CLEC16A: variants seen among roughly 807,000 people sequenced by gnomAD.
CLEC16A encodes the protein C-type lectin domain containing 16A, also known as protein CLEC16A.
Under a neutral mutation model 109.5 loss-of-function variants are expected in CLEC16A, and 51 were observed. That is an observed-to-expected ratio of 0.47 (90% confidence interval 0.37 to 0.59). The LOEUF is 0.59. Among genes scored for constraint, CLEC16A ranks in the 20% least tolerant of loss-of-function variants. The pLI is 0.00. For missense variants in CLEC16A, 1,339 were observed against 1,394.0 expected (o/e 0.96, Z 0.63); for synonymous variants, 673 against 564.2 (o/e 1.19, Z -2.73).
chr16:11,026,933 A>G, intron 13 of CLEC16A: 1 of 1,110,314 alleles, frequency 9.0e-7, no homozygotes, highest in Non-Finnish European at 1.4e-6. Context: ...GTGAGCTAGA[A>G]CAGACGTCTC....
intron 19 of CLEC16A, chr16:11,066,618 C>G (rs2048774485): frequency 1.3e-5 from 2 of 152,204 alleles, no homozygotes; most frequent in Non-Finnish European, 2.9e-5. Flanking sequence ...ATTCTGTTGT[C>G]TGAGACTTCT....
chr16:11,032,059 G>C (rs954542376), intron 13 of CLEC16A, among the ~76,000 whole-genome samples: 4 of 152,212 alleles, frequency 2.6e-5, no homozygotes, highest in African/African-American at 9.6e-5. Flanking sequence ...GAGGCTGTCA[G>C]CACAATAGAG....
At chr16:11,165,806 A>T (rs567488303) in intron 22 of CLEC16A, among the ~76,000 whole-genome samples, 1 of 152,162 alleles carries the variant, frequency 6.6e-6, no homozygotes, top group Non-Finnish European at 1.5e-5. Flanking sequence ...GCTGAGGGCC[A>T]TTTGAGACCA....
chr16:11,047,332 G>A lies in CLEC16A; in HGVS notation c.1856G>A (p.Arg619Lys). 1.2e-6 allele frequency: 2 copies of A among 1,609,218 alleles called. No individual in the cohort carries two copies. Among genetic ancestry groups the A allele is most frequent in the Non-Finnish European group, 1.7e-6 (2 of 1,177,862 alleles). Residue 619 changes from arginine (R) to lysine (K), a missense_variant, in exon 17 of 24, where the codon AGG (arginine) becomes AAG (lysine). Arg to Lys is a conservative substitution (Grantham distance 26). Transcript: ENST00000409790. ...TTGGACATGTTTGAAGATGAGTATAGGAGCATGACAGTAAGTGAGGGGCTG... is the reference window on the plus strand; with the variant it reads ...TTGGACATGTTTGAAGATGAGTATAAGAGCATGACAGTAAGTGAGGGGCTG... Reference protein sequence around the residue: ...IFLDMFEDEYRSMTMKPMNVE... With the variant: ...IFLDMFEDEYKSMTMKPMNVE...
chr16:11,159,433 A>G (rs2054642908), intron 22 of CLEC16A, among the ~76,000 whole-genome samples: 1 of 152,238 alleles, frequency 6.6e-6, no homozygotes, highest in Admixed American at 6.5e-5. Flanking sequence ...GATTTTCAAA[A>G]GTAGGATCCA....
intron 19 of CLEC16A, among the ~76,000 whole-genome samples, chr16:11,107,920 C>T (rs2051322738): frequency 1.3e-5 from 2 of 152,196 alleles, no homozygotes; most frequent in Admixed American, 1.3e-4. Flanking sequence ...GCTTCCTCTC[C>T]CCTCCACCCC....
intron 13 of CLEC16A, among the ~76,000 whole-genome samples, chr16:11,025,992 C>T (rs150824788): frequency 1.3e-5 from 2 of 152,314 alleles, no homozygotes; most frequent in African/African-American, 4.8e-5. Flanking sequence ...TGCTTTCTAC[C>T]TTGCTCTGCT....
chr16:11,012,472 G>A (rs1241384216), intron 11 of CLEC16A, among the ~76,000 whole-genome samples: 2 of 152,002 alleles, frequency 1.3e-5, no homozygotes, highest in South Asian at 2.1e-4. Flanking sequence ...GCACGTGCCT[G>A]TAGTCCCAGC....
intron 13 of CLEC16A, among the ~76,000 whole-genome samples, chr16:11,025,285 C>G (rs1350957083): frequency 1.3e-5 from 2 of 152,296 alleles, no homozygotes; most frequent in African/African-American, 4.8e-5. Flanking sequence ...AAATTGTAAT[C>G]TTGGTTTTGC....
chr16:11,143,978 G>A (rs2053949763), intron 22 of CLEC16A, among the ~76,000 whole-genome samples: 1 of 152,182 alleles, frequency 6.6e-6, no homozygotes, highest in Admixed American at 6.5e-5. Flanking sequence ...ATAAGGCTCA[G>A]AGGCCTGCCA....
chr16:11,096,037 A>C (rs1325694787), intron 19 of CLEC16A, among the ~76,000 whole-genome samples: 2 of 152,068 alleles, frequency 1.3e-5, no homozygotes, highest in Non-Finnish European at 2.9e-5. Flanking sequence ...TGTCTTTGTA[A>C]GAAAACAAAA....
chr16:11,047,170 A>G, intron 16 of CLEC16A, 122 bp from the exon 17 acceptor site: 1 of 585,318 alleles, frequency 1.7e-6, no homozygotes, highest in Non-Finnish European at 2.8e-6. Context: ...CTGGTGATTT[A>G]CGAGAACTCA....
At chr16:11,032,002 T>A (rs1313849119) in intron 13 of CLEC16A, among the ~76,000 whole-genome samples, 1 of 152,224 alleles carries the variant, frequency 6.6e-6, no homozygotes, top group Non-Finnish European at 1.5e-5. Flanking sequence ...ACCCAGGCCC[T>A]TGCCCAAGAA....
chr16:11,002,374 G>A (rs541880926), intron 10 of CLEC16A, among the ~76,000 whole-genome samples: 1 of 152,294 alleles, frequency 6.6e-6, no homozygotes, highest in Non-Finnish European at 1.5e-5. Context: ...TCTGACTTAG[G>A]GCAGTAGACA....
chr16:10,969,955 A>G (rs1315617806), intron 4 of CLEC16A, among the ~76,000 whole-genome samples: 2 of 152,256 alleles, frequency 1.3e-5, no homozygotes, highest in East Asian at 3.8e-4. Flanking sequence ...CTAAAAGCAT[A>G]GACGTTGCTA....
At chr16:10,952,759 G>A (rs150505225) in intron 1 of CLEC16A, among the ~76,000 whole-genome samples, 1 of 152,294 alleles carries the variant, frequency 6.6e-6, no homozygotes, top group East Asian at 1.9e-4. Flanking sequence ...GGAGCTTGCA[G>A]TCTACTGAGT....
chr16:11,010,559 C>T (rs2045338821), intron 11 of CLEC16A, among the ~76,000 whole-genome samples: 1 of 152,198 alleles, frequency 6.6e-6, no homozygotes, highest in South Asian at 2.1e-4. Flanking sequence ...TGTCTGCACA[C>T]CCGCCCCACA....
At chr16:10,964,807 CATTGTGAA>C (rs1330609746) in intron 3 of CLEC16A, among the ~76,000 whole-genome samples, 1 of 152,156 alleles carries the variant, frequency 6.6e-6, no homozygotes, top group African/African-American at 2.4e-5. Context: ...AAAATGTGTA[CATTGTGAA>C]ATAATCACGG....
At chr16:11,018,232 A>G (rs939986782) in intron 11 of CLEC16A, among the ~76,000 whole-genome samples, 5 of 150,908 alleles carry the variant, frequency 3.3e-5, no homozygotes, top group Non-Finnish European at 7.4e-5. Flanking sequence ...ACAGTGAGCC[A>G]TGATCACACC....
Sources: allele counts gnomAD v4.1 joint callset (sites outside exome capture counted in the v4.1 genomes callset), GRCh38; gene constraint gnomAD v4.1.1; transcripts MANE v1.5; gene names NCBI Gene and HGNC (gene_info 2026-07-23, HGNC 2026-07-21).